Variants in PKHD1 observed in about 807,000 individuals in gnomAD.
PKHD1 encodes the protein fibrocystin.
Under a neutral mutation model 412.0 loss-of-function variants are expected in PKHD1, and 291 were observed. The observed-to-expected ratio is 0.71, with a 90% CI of 0.64 to 0.78. The LOEUF (loss-of-function observed/expected upper bound fraction) is 0.78, where lower values mean the gene tolerates loss of function less well. Ranked by LOEUF, PKHD1 falls within the 30% of genes least tolerant of loss-of-function variation. The pLI, the probability that PKHD1 is intolerant of heterozygous loss-of-function variation, is 0.00. For synonymous variants in PKHD1, 1,777 were observed against 1,821.5 expected, an observed-to-expected ratio of 0.98 and a Z score of 0.62; for missense variants, 4,825 against 4,950.7, an observed-to-expected ratio of 0.97 and a Z score of 0.76.
intron 35 of PKHD1, among the ~76,000 whole-genome samples, chr6:51,985,656 G>A (rs1423908046): frequency 6.6e-6 from 1 of 152,174 alleles, no homozygotes; most frequent in Non-Finnish European, 1.5e-5. Context: ...TTGAACCCAG[G>A]AGGTGGAGGT....
intron 36 of PKHD1, among the ~76,000 whole-genome samples, chr6:51,950,220 A>AAAAAAAAAATATATATATATATAT: frequency 2.2e-4 from 22 of 98,292 alleles, no homozygotes; most frequent in African/African-American, 6.8e-4. Context: ...GAAAAAAAAA[A>AAAAAAAAAATATATATATATATAT]ATATATATAT....
At chr6:51,768,917 A>T (rs568307220) in intron 55 of PKHD1, among the ~76,000 whole-genome samples, 36 of 151,782 alleles carry the variant, frequency 2.4e-4, no homozygotes, top group Non-Finnish European at 5.0e-4. Context: ...TTATTCCAAG[A>T]ATGTTTGCTG....
At chr6:51,729,781 T>A (rs1260052893) in intron 60 of PKHD1, among the ~76,000 whole-genome samples, 1 of 152,216 alleles carries the variant, frequency 6.6e-6, no homozygotes, top group Non-Finnish European at 1.5e-5. Context: ...GCAGTGGTCA[T>A]TATTGCCTTA....
rs66966800 is a variant in PKHD1 at position 51,903,832 on chromosome 6, CAT to C, written c.6866-107_6866-106del. ...ACATCAGAGTTCACATAATGCATTT[CAT>C]ATATATATATATATATATATATATA... On this transcript the variant is annotated intron_variant, in intron 42 of 66. Coordinates refer to ENST00000371117, the MANE Select transcript of PKHD1 (RefSeq NM_138694.4). 13,587 of 432,706 alleles carry C rather than the reference CAT, an allele frequency of 0.031. 149 individuals are homozygous for C. Among genetic ancestry groups the C allele is most frequent in the African/African-American group, 0.074 (2,941 of 39,858 alleles). The allele number at this position is 432,706 out of a possible 1,614,324, so 26.8% of individuals were successfully genotyped here.
chr6:51,763,503 A>G (rs1582536191), intron 55 of PKHD1, among the ~76,000 whole-genome samples: 1 of 152,096 alleles, frequency 6.6e-6, no homozygotes, highest in Non-Finnish European at 1.5e-5. Context: ...CCTTTTAATT[A>G]TAATTAAAGT....
In PKHD1 at chr6:52,043,127, G is replaced by A. The variant is rs2128183054; in HGVS notation, c.2829C>T (p.Asp943=). ...VHSVWYSIDG[D]INLMIYITGT... is the part of the protein sequence containing the mutation. Reference sequence around the variant, plus strand: ...CGGTAATGTAAATCATTAGGTTGATGTCACCATCTTAAAGGAGAAAAGAAA... The same window carrying A: ...CGGTAATGTAAATCATTAGGTTGATATCACCATCTTAAAGGAGAAAAGAAA... The change falls in exon 27 of 67, where the codon GAC becomes GAT. Residue 943 remains aspartate (D), a synonymous_variant. Coordinates refer to ENST00000371117, the MANE Select transcript of PKHD1 (RefSeq NM_138694.4). 1 of 1,611,262 alleles carries A rather than the reference G, an allele frequency of 6.2e-7. No homozygotes were observed. The highest frequency in any genetic ancestry group is 8.5e-7 in the Non-Finnish European group (1 of 1,177,518).
At chr6:51,999,607 G>A (rs1798119383) in intron 35 of PKHD1, among the ~76,000 whole-genome samples, 1 of 152,088 alleles carries the variant, frequency 6.6e-6, no homozygotes, top group South Asian at 2.1e-4. Flanking sequence ...GTCTTTGGAG[G>A]GGAAGATTTA....
At chr6:51,633,995 T>C (rs1037882333) in intron 64 of PKHD1, among the ~76,000 whole-genome samples, 1 of 152,102 alleles carries the variant, frequency 6.6e-6, no homozygotes, top group African/African-American at 2.4e-5. Context: ...CATCAAAATG[T>C]ATCAAATGGT....
At chr6:52,022,549 C>G (rs921428726) in intron 33 of PKHD1, among the ~76,000 whole-genome samples, 1 of 152,056 alleles carries the variant, frequency 6.6e-6, no homozygotes, top group Non-Finnish European at 1.5e-5. Context: ...CAGTTAAGAA[C>G]ACAGGTGATA....
intron 60 of PKHD1, among the ~76,000 whole-genome samples, chr6:51,717,186 C>T (rs193215778): frequency 1.6e-4 from 24 of 152,222 alleles, no homozygotes; most frequent in Admixed American, 1.5e-3. Context: ...CCAAGGCAGG[C>T]GGATCACTTG....
chr6:51,619,827 C>G (rs1328752905), intron 66 of PKHD1, among the ~76,000 whole-genome samples: 1 of 151,526 alleles, frequency 6.6e-6, no homozygotes, highest in South Asian at 2.1e-4. Flanking sequence ...TCACACTTAC[C>G]AACAGGCCAA....
In PKHD1 at chr6:52,033,080, G is replaced by A. The variant is rs1365361692; in HGVS notation, c.3314C>T (p.Ser1105Phe). The A allele has an allele frequency of 8.7e-6, 14 of 1,611,768 alleles. No individual in the cohort carries two copies. Among genetic ancestry groups the A allele is most frequent in the Admixed American group, 1.7e-5 (1 of 59,990 alleles). The change falls in exon 29 of 67, where the codon TCC (serine) becomes TTC (phenylalanine). Residue 1105 changes from serine to phenylalanine, a missense_variant. By Grantham distance (155) the Ser-to-Phe change is radical. Transcript: ENST00000371117. ...CAGAGTCACAATAACTGGATTTAAGGAAGAGACATATGTAAATGCTCTGGG... is the reference window on the plus strand; with the variant it reads ...CAGAGTCACAATAACTGGATTTAAGAAAGAGACATATGTAAATGCTCTGGG... ...VLPRAFTYVS[S>F]LNPVIVTLSR...
intron 50 of PKHD1, among the ~76,000 whole-genome samples, chr6:51,844,343 C>T (rs748956529): frequency 6.6e-6 from 1 of 152,178 alleles, no homozygotes; most frequent in Admixed American, 6.5e-5. Flanking sequence ...AACTGCACTC[C>T]GTGAAGATGT....
At chr6:51,909,837 T>C (rs929762564) in intron 39 of PKHD1, among the ~76,000 whole-genome samples, 2 of 152,120 alleles carry the variant, frequency 1.3e-5, no homozygotes, top group East Asian at 3.9e-4. Flanking sequence ...TGGTTGATAA[T>C]TGTAGGAAAG....
intron 35 of PKHD1, among the ~76,000 whole-genome samples, chr6:51,987,187 CA>C (rs1280171801): frequency 1.3e-5 from 2 of 152,194 alleles, no homozygotes; most frequent in East Asian, 3.8e-4. Flanking sequence ...TCACTCACTT[CA>C]ATACCCCCAT....
At chr6:52,030,684 T>TG (rs1802908471) in intron 29 of PKHD1, among the ~76,000 whole-genome samples, 1 of 143,338 alleles carries the variant, frequency 7.0e-6, no homozygotes, top group African/African-American at 2.6e-5. Context: ...TGGGAGGGGG[T>TG]GGGAAGATGA....
chr6:52,012,791 T>C (rs2128121706), intron 34 of PKHD1, among the ~76,000 whole-genome samples: 1 of 152,302 alleles, frequency 6.6e-6, no homozygotes, highest in South Asian at 2.1e-4. Context: ...ATATCATAAG[T>C]CACTTATAAA....
chr6:51,852,456 T>C lies in PKHD1; in HGVS notation c.7911+3437A>G, dbSNP rs541249550. On this transcript the variant is annotated intron_variant, in intron 49 of 66. Transcript: ENST00000371117. Reference sequence around the variant, plus strand: ...GCTGAGTTCAAGTCCTGCATATCCTTGTTAATTTTCTGTCTCATTGATCTG... The same window carrying C: ...GCTGAGTTCAAGTCCTGCATATCCTCGTTAATTTTCTGTCTCATTGATCTG... Among the ~76,000 whole-genome samples, 7 of 152,298 alleles carry C rather than the reference T, an allele frequency of 4.6e-5. No homozygotes were observed. In the South Asian group the frequency reaches 1.5e-3, roughly 32 times the overall value.
At chr6:51,623,063 C>G (rs1451323955) in intron 66 of PKHD1, among the ~76,000 whole-genome samples, 3 of 152,104 alleles carry the variant, frequency 2.0e-5, no homozygotes, top group Non-Finnish European at 4.4e-5. Context: ...TAGGGCTACC[C>G]ATTTCCACTA....
Sources: gnomAD v4.1 joint callset for allele counts (sites outside exome capture counted in the v4.1 genomes callset) on GRCh38, gnomAD v4.1.1 for gene constraint, MANE v1.5 for transcripts, NCBI Gene and HGNC (gene_info 2026-07-23, HGNC 2026-07-21) for gene names.